COL21A1: variants seen among roughly 807,000 people sequenced by gnomAD.
COL21A1 encodes collagen type XXI alpha 1 chain.
In COL21A1, 149 loss-of-function variants were observed where a neutral mutation model predicts 137.9. That is an observed-to-expected ratio of 1.08 (90% confidence interval 0.95 to 1.24). The LOEUF is 1.24. Ranked by LOEUF, COL21A1 falls within the 50% of genes most tolerant of loss-of-function variation. The probability of loss-of-function intolerance (pLI) is 0.00; values close to 1 mark genes in which losing one functional copy is unlikely to be tolerated. For missense variants in COL21A1, 1,167 were observed against 1,158.4 expected (o/e 1.01, Z -0.11); for synonymous variants, 456 against 391.5 (o/e 1.16, Z -1.95).
intron 1 of COL21A1, among the ~76,000 whole-genome samples, chr6:56,317,842 T>A (rs2152340793): frequency 6.6e-6 from 1 of 152,264 alleles, no homozygotes; most frequent in East Asian, 1.9e-4. Context: ...ACTTGATCTC[T>A]TGGAGTATTT....
At chr6:56,303,897 A>G (rs1764366669) in intron 1 of COL21A1, among the ~76,000 whole-genome samples, 1 of 152,100 alleles carries the variant, frequency 6.6e-6, no homozygotes, top group South Asian at 2.1e-4. Flanking sequence ...TGATTTTGAG[A>G]TATGTCCCAT....
intron 1 of COL21A1, among the ~76,000 whole-genome samples, chr6:56,368,709 G>C (rs981910153): frequency 1.3e-5 from 2 of 152,118 alleles, no homozygotes; most frequent in South Asian, 4.2e-4. Flanking sequence ...TCTTGGGAAC[G>C]AAGCTTCAAG....
In COL21A1 at chr6:56,056,654, C is replaced by T. The variant is rs1765370541; in HGVS notation, c.*1003G>A. On this transcript the variant is annotated 3_prime_UTR_variant, in exon 30 of 30. Coordinates refer to ENST00000244728, the MANE Select transcript of COL21A1 (RefSeq NM_030820.4). The stretch of plus-strand genomic sequence containing the variant: ...GCATGTAACAAAATTTTGAGCATGA[C>T]AAGGATGAAATATTTCAAATTCTGT... The T allele has an allele frequency of 6.6e-6, 1 of 152,082 alleles. No homozygotes were observed. The highest frequency in any genetic ancestry group is 6.6e-5 in the Admixed American group (1 of 15,258). 9.4% of individuals were successfully genotyped at this position (152,082 alleles called of 1,614,324 possible). A position where few individuals can be genotyped will look rare whatever the true frequency, so the allele number is the denominator to read the frequency against.
At chr6:56,351,301 A>G (rs1230936834) in intron 1 of COL21A1, among the ~76,000 whole-genome samples, 1 of 152,252 alleles carries the variant, frequency 6.6e-6, no homozygotes. Context: ...GCTGAGAGGG[A>G]TACAGAAAAG....
At chr6:56,267,970 G>A (rs905951296) in intron 1 of COL21A1, among the ~76,000 whole-genome samples, 10 of 152,128 alleles carry the variant, frequency 6.6e-5, no homozygotes, top group Admixed American at 3.3e-4. Context: ...TGCTCCACCT[G>A]AGTACTTTCC....
At chr6:56,168,452 C>G (rs760922438) in intron 5 of COL21A1, among the ~76,000 whole-genome samples, 155 bp from the exon 6 acceptor site, 4 of 152,058 alleles carry the variant, frequency 2.6e-5, no homozygotes, top group Non-Finnish European at 5.9e-5. Context: ...CCAAGGTGGA[C>G]CTCATATGCT....
intron 1 of COL21A1, among the ~76,000 whole-genome samples, chr6:56,185,293 T>C (rs1198329568): frequency 2.0e-5 from 3 of 151,962 alleles, no homozygotes; most frequent in African/African-American, 4.8e-5. Context: ...AATATATTGA[T>C]ATGCCTTAGT....
intron 12 of COL21A1, among the ~76,000 whole-genome samples, chr6:56,131,471 T>C (rs1446112963): frequency 1.3e-5 from 2 of 151,680 alleles, no homozygotes; most frequent in East Asian, 1.9e-4. Flanking sequence ...TCTAATGTAA[T>C]GGTGAATGCT....
chr6:56,197,549 T>G (rs1487698094), intron 1 of COL21A1, among the ~76,000 whole-genome samples: 10 of 152,026 alleles, frequency 6.6e-5, no homozygotes, highest in Non-Finnish European at 2.9e-5. Context: ...GCAAATGATG[T>G]AAATAGACAA....
At chr6:56,373,901 G>A (rs1241911610) in intron 1 of COL21A1, among the ~76,000 whole-genome samples, 1 of 152,108 alleles carries the variant, frequency 6.6e-6, no homozygotes, top group African/African-American at 2.4e-5. Flanking sequence ...TCGTAAACAG[G>A]CTTTTAATAA....
chr6:56,317,889 A>T (rs1276256683), intron 1 of COL21A1, among the ~76,000 whole-genome samples: 1 of 152,178 alleles, frequency 6.6e-6, no homozygotes, highest in South Asian at 2.1e-4. Flanking sequence ...AAAAAATAAG[A>T]ATAGTCTATT....
At position 56,168,163 on chromosome 6, in the gene COL21A1, G is replaced by A. The variant is rs748368446; in HGVS notation, c.1161C>T (p.Thr387=). The change falls in exon 6 of 30, where the codon ACC becomes ACT. Residue 387 remains threonine (T), a synonymous_variant. Transcript: ENST00000244728. ...CTTTTCCAGAATATTTTCCAATTTG[G>A]GTTTGCCCATTGATCAAGATCCCTA... ...PVLGILINGQ[T]QIGKYSGKEE... 8.5e-6 allele frequency: 13 copies of A among 1,538,012 alleles called. No homozygotes were observed. The highest frequency in any genetic ancestry group is 9.7e-6 in the Non-Finnish European group (11 of 1,137,956).
intron 22 of COL21A1, among the ~76,000 whole-genome samples, 158 bp from the exon 23 acceptor site, chr6:56,067,488 G>T (rs1054774981): frequency 6.6e-6 from 1 of 151,726 alleles, no homozygotes; most frequent in South Asian, 2.1e-4. Flanking sequence ...TACTTGGGAA[G>T]GGAGCAGAAC....
chr6:56,371,702 C>G (rs577935720), intron 1 of COL21A1, among the ~76,000 whole-genome samples: 10 of 152,196 alleles, frequency 6.6e-5, no homozygotes, highest in Non-Finnish European at 1.2e-4. Context: ...ACTATATCCA[C>G]AGGAGTGTCT....
At chr6:56,095,869 CAG>C (rs529741906) in intron 17 of COL21A1, among the ~76,000 whole-genome samples, 5 of 152,060 alleles carry the variant, frequency 3.3e-5, no homozygotes, top group Non-Finnish European at 7.4e-5. Context: ...TCTTTTGAGA[CAG>C]AGTCTCACTC....
At chr6:56,124,038 C>CT in intron 16 of COL21A1, 24 bp downstream of exon 16, 1 of 1,392,198 alleles carries the variant, frequency 7.2e-7, no homozygotes, top group Non-Finnish European at 9.5e-7. Flanking sequence ...TTTGTTTTGT[C>CT]CTTTTTTTTT....
intron 16 of COL21A1, among the ~76,000 whole-genome samples, chr6:56,116,396 T>TAAAAAA (rs370697652): frequency 5.5e-5 from 5 of 90,818 alleles, no homozygotes; most frequent in Non-Finnish European, 1.0e-4. Context: ...GTGCCAAAGG[T>TAAAAAA]AAAAAAAAAA....
At chr6:56,114,514 A>T (rs1269704202) in intron 16 of COL21A1, among the ~76,000 whole-genome samples, 5 of 152,350 alleles carry the variant, frequency 3.3e-5, no homozygotes, top group Non-Finnish European at 7.3e-5. Flanking sequence ...TGGGCGAAGG[A>T]CATGAACAGA....
chr6:56,173,428 GGGGAAAA>G (rs757976551), intron 3 of COL21A1, among the ~76,000 whole-genome samples: 16 of 151,348 alleles, frequency 1.1e-4, no homozygotes, highest in South Asian at 4.2e-4. Flanking sequence ...GAAGGGAAGG[GGGGAAAA>G]GGGAAAAGGG....
Sources: gnomAD v4.1 joint callset for allele counts (sites outside exome capture counted in the v4.1 genomes callset) on GRCh38, gnomAD v4.1.1 for gene constraint, MANE v1.5 for transcripts, NCBI Gene and HGNC (gene_info 2026-07-23, HGNC 2026-07-21) for gene names.